Variants in PLXNA4 observed in about 807,000 individuals in gnomAD.
The protein encoded by PLXNA4 is plexin A4, also known as plexin-A4.
Under a neutral mutation model 191.8 loss-of-function variants are expected in PLXNA4, and 44 were observed. The observed-to-expected ratio is 0.23, with a 90% CI of 0.18 to 0.29. PLXNA4 has a LOEUF of 0.29. Among genes scored for constraint, PLXNA4 ranks in the 10% least tolerant of loss-of-function variants. The probability of loss-of-function intolerance (pLI) is 1.00; values close to 1 mark genes in which losing one functional copy is unlikely to be tolerated. For missense variants in PLXNA4, 1,800 were observed against 2,488.8 expected, an observed-to-expected ratio of 0.72 and a Z score of 5.89; for synonymous variants, 1,082 against 1,009.5, an observed-to-expected ratio of 1.07 and a Z score of -1.36.
intron 14 of PLXNA4, among the ~76,000 whole-genome samples, chr7:132,193,701 G>A (rs1183783603): frequency 6.6e-6 from 1 of 152,194 alleles, no homozygotes; most frequent in Non-Finnish European, 1.5e-5. Context: ...CATTTACCCA[G>A]TTAGCAAGTG....
chr7:132,581,555 C>T (rs1313844590), upstream of PLXNA4, among the ~76,000 whole-genome samples: 1 of 152,230 alleles, frequency 6.6e-6, no homozygotes, highest in Non-Finnish European at 1.5e-5. Flanking sequence ...ATCCACTGCC[C>T]ATGAGCCATT....
intron 1 of PLXNA4, among the ~76,000 whole-genome samples, chr7:132,519,696 C>T (rs376774903): frequency 2.0e-5 from 3 of 152,332 alleles, no homozygotes; most frequent in African/African-American, 4.8e-5. Context: ...TCCTTGCTCT[C>T]CTTTCATGGT....
intron 3 of PLXNA4, among the ~76,000 whole-genome samples, chr7:132,472,543 G>A (rs1796968403): frequency 1.3e-5 from 2 of 152,196 alleles, no homozygotes; most frequent in Non-Finnish European, 2.9e-5. Flanking sequence ...GCAATGGCAG[G>A]AGCCAGGGCA....
At position 132,148,005 on chromosome 7, in the gene PLXNA4, G is replaced by A; in HGVS notation, c.4765-6C>T. The A allele has an allele frequency of 3.1e-6, 5 of 1,614,132 alleles. No individual in the cohort carries two copies. Among genetic ancestry groups the A allele is most frequent in the Non-Finnish European group, 4.2e-6 (5 of 1,180,022 alleles). ...ACCACGGAACCATCTGGCACCTACAGGGAAAAAGCTTCTCAGGGCCTAGGC... is the reference window on the plus strand; with the variant it reads ...ACCACGGAACCATCTGGCACCTACAAGGAAAAAGCTTCTCAGGGCCTAGGC... On this transcript the variant is annotated splice_region_variant and splice_polypyrimidine_tract_variant and intron_variant, in intron 26 of 31. Coordinates refer to ENST00000321063, the MANE Select transcript of PLXNA4 (RefSeq NM_020911.2).
intron 1 of PLXNA4, among the ~76,000 whole-genome samples, chr7:132,561,663 TCA>T: frequency 1.5e-5 from 2 of 131,648 alleles, no homozygotes; most frequent in African/African-American, 2.9e-5. Flanking sequence ...CTCCTTTTCC[TCA>T]TCCTCCTCCT....
intron 1 of PLXNA4, among the ~76,000 whole-genome samples, chr7:132,523,517 G>A (rs1252842473): frequency 3.3e-5 from 5 of 152,262 alleles, no homozygotes; most frequent in Non-Finnish European, 2.9e-5. Context: ...ACGGAAGGAT[G>A]GGTGATGGGG....
At chr7:132,410,793 G>C (rs1794426256) in intron 3 of PLXNA4, among the ~76,000 whole-genome samples, 1 of 152,160 alleles carries the variant, frequency 6.6e-6, no homozygotes, top group African/African-American at 2.4e-5. Flanking sequence ...CCACAAACCT[G>C]CCTCGACTCC....
chr7:132,253,361 G>A (rs921827442), intron 4 of PLXNA4, among the ~76,000 whole-genome samples: 2 of 150,804 alleles, frequency 1.3e-5, no homozygotes, highest in Non-Finnish European at 2.9e-5. Context: ...TCAGCCTCCT[G>A]AGTAGCTGAG....
chr7:132,167,300 G>A (rs915710810), intron 22 of PLXNA4, among the ~76,000 whole-genome samples: 1 of 152,166 alleles, frequency 6.6e-6, no homozygotes, highest in Non-Finnish European at 1.5e-5. Flanking sequence ...GGTTTCAACA[G>A]TATCAAGTTT....
intron 2 of PLXNA4, among the ~76,000 whole-genome samples, chr7:132,583,164 C>A (rs1585385671): frequency 6.6e-6 from 1 of 152,184 alleles, no homozygotes; most frequent in African/African-American, 2.4e-5. Flanking sequence ...TTCACTTTCA[C>A]GAGCTGTCTG....
chr7:132,196,455 A>C (rs1397667983), intron 13 of PLXNA4, among the ~76,000 whole-genome samples: 1 of 152,240 alleles, frequency 6.6e-6, no homozygotes, highest in Non-Finnish European at 1.5e-5. Context: ...TGATTCTTCT[A>C]TAATATCAGA....
rs1417826927 is a variant in PLXNA4, at chr7:132,226,215, C to A, written c.1928G>T (p.Gly643Val). 1 of 1,613,892 alleles carries A rather than the reference C, an allele frequency of 6.2e-7. No homozygotes were observed. The highest frequency in any genetic ancestry group is 1.1e-5 in the South Asian group (1 of 91,078). ...VQLQLKSKET[G>V]MTFASTSFVF... is the part of the protein sequence containing the mutation. ...AAAGCTGGTGCTGGCGAAGGTCATG[C>A]CGGTCTCCTTTGATTTGAGCTGAAG... Residue 643 changes from glycine to valine, a missense_variant, in exon 8 of 32, where the codon GGC (glycine) becomes GTC (valine). Physicochemically the swap from Gly to Val is moderately radical, Grantham distance 109. This residue lies in a region of PLXNA4 where 1,397 missense variants were observed against 1,880.4 expected (regional missense o/e 0.74). Coordinates refer to ENST00000321063, the MANE Select transcript of PLXNA4 (RefSeq NM_020911.2).
chr7:132,408,608 C>T (rs1382846525), intron 3 of PLXNA4, among the ~76,000 whole-genome samples: 1 of 152,072 alleles, frequency 6.6e-6, no homozygotes, highest in African/African-American at 2.4e-5. Context: ...GGACTACAGG[C>T]ACGTGCCACC....
chr7:132,208,025 A>C (rs997252816), intron 10 of PLXNA4, among the ~76,000 whole-genome samples: 2 of 152,134 alleles, frequency 1.3e-5, no homozygotes, highest in Middle Eastern at 3.2e-3. Flanking sequence ...GATTAAGTAG[A>C]TACCCTCTCA....
At chr7:132,569,746 G>A (rs1008576876) in intron 1 of PLXNA4, among the ~76,000 whole-genome samples, 2 of 152,170 alleles carry the variant, frequency 1.3e-5, no homozygotes, top group Non-Finnish European at 2.9e-5. Context: ...AAATGGACAC[G>A]TGCCTAAGTA....
chr7:132,621,896 G>T (rs1290839811), intron 2 of PLXNA4, among the ~76,000 whole-genome samples: 1 of 152,154 alleles, frequency 6.6e-6, no homozygotes, highest in Non-Finnish European at 1.5e-5. Flanking sequence ...CAACTACATT[G>T]CTGCTATTTA....
chr7:132,617,390 C>T (rs1421672080), intron 2 of PLXNA4, among the ~76,000 whole-genome samples: 3 of 152,308 alleles, frequency 2.0e-5, no homozygotes, highest in East Asian at 1.9e-4. Context: ...GCTTTCCACT[C>T]TTATCCCAGG....
chr7:132,213,027 G>A (rs1797852732), intron 9 of PLXNA4, among the ~76,000 whole-genome samples: 1 of 152,156 alleles, frequency 6.6e-6, no homozygotes. Flanking sequence ...GGAATGAATG[G>A]GTAAACAAAA....
intron 3 of PLXNA4, among the ~76,000 whole-genome samples, chr7:132,299,218 G>A (rs987803731): frequency 1.3e-5 from 2 of 152,186 alleles, no homozygotes; most frequent in Non-Finnish European, 2.9e-5. Context: ...CCTACCACAT[G>A]CACAACTGTA....
Sources: allele counts gnomAD v4.1 joint callset (sites outside exome capture counted in the v4.1 genomes callset), GRCh38; gene constraint gnomAD v4.1.1; regional missense constraint gnomAD v4.1.1; transcripts MANE v1.5; gene names NCBI Gene and HGNC (gene_info 2026-07-23, HGNC 2026-07-21).